Variants in TRAPPC3 observed in about 807,000 individuals in gnomAD.
TRAPPC3 encodes trafficking protein particle complex subunit 3.
A neutral mutation model predicts 18.2 loss-of-function variants in TRAPPC3; 5 were observed. The ratio of observed to expected loss-of-function variants is 0.28; its 90% CI spans 0.14 to 0.58. TRAPPC3 has a LOEUF of 0.58. Ranked by LOEUF, TRAPPC3 falls within the 20% of genes least tolerant of loss-of-function variation. The pLI is 0.91. For synonymous variants in TRAPPC3, 65 were observed against 84.2 expected, an observed-to-expected ratio of 0.77 and a Z score of 1.25; for missense variants, 176 against 225.9, an observed-to-expected ratio of 0.78 and a Z score of 1.41.
At chr1:36,147,900 A>T (rs1644224972) in intron 1 of TRAPPC3, among the ~76,000 whole-genome samples, 1 of 152,132 alleles carries the variant, frequency 6.6e-6, no homozygotes. Flanking sequence ...TTTGTTAAAG[A>T]TTTCAATATT....
chr1:36,155,585 G>C (rs737381), intron 1 of TRAPPC3: 114,814 of 152,706 alleles, frequency 0.75, 43,932 homozygotes, highest in East Asian at 0.91. Context: ...AGACACAAGC[G>C]CAGAATGCCG....
chr1:36,154,389 C>G (rs1644297793), upstream of TRAPPC3, among the ~76,000 whole-genome samples: 1 of 152,132 alleles, frequency 6.6e-6, no homozygotes, highest in African/African-American at 2.4e-5. Flanking sequence ...AATCTCAAGA[C>G]AAGGGGTGGG....
chr1:36,146,866 G>C (rs895970606), intron 1 of TRAPPC3, among the ~76,000 whole-genome samples: 4 of 152,204 alleles, frequency 2.6e-5, no homozygotes, highest in African/African-American at 7.2e-5. Flanking sequence ...CTAGCACAGA[G>C]CTCTGCATAT....
chr1:36,137,521 AC>A lies in TRAPPC3; in HGVS notation c.424-200del, dbSNP rs894415960. ...CTTAAGGAGAAACTTAGCAAAGAAT[AC>A]CCAAGAATGAGACTGTCACCAAATA... On this transcript the variant is annotated intron_variant, in intron 4 of 4. Transcript: ENST00000373166. The A allele has an allele frequency of 2.5e-5, 16 of 641,376 alleles. No homozygotes were observed. In the Admixed American group the frequency reaches 4.8e-4, roughly 19 times the overall value. The allele number at this position is 641,376 out of a possible 1,614,324, so 39.7% of individuals were successfully genotyped here.
At chr1:36,150,737 G>A (rs55714550), upstream of TRAPPC3, among the ~76,000 whole-genome samples, 171 of 152,308 alleles carry the variant, frequency 1.1e-3, no homozygotes, top group Non-Finnish European at 2.2e-3. Flanking sequence ...TCCATCCTGT[G>A]TAATGCCACA....
At position 36,138,281 on chromosome 1, in the gene TRAPPC3, T is replaced by G. The variant is rs1019801487; in HGVS notation, c.241-303A>C. ...CAACTCACTCACTGTGTGCTTGTAC[T>G]TCTCAGTGGAAGGGAGCACTAGTCT... On this transcript the variant is annotated intron_variant, in intron 3 of 4. Coordinates refer to ENST00000373166, the MANE Select transcript of TRAPPC3 (RefSeq NM_014408.5). 13 of 1,534,606 alleles carry G rather than the reference T, an allele frequency of 8.5e-6. 1 individual carries two copies. The Admixed American group carries it at 9.8e-5, about 12-fold the overall frequency.
intron 3 of TRAPPC3, among the ~76,000 whole-genome samples, chr1:36,139,100 T>A (rs1441379696): frequency 6.8e-6 from 1 of 147,392 alleles, no homozygotes; most frequent in Non-Finnish European, 1.5e-5. Context: ...AAATTTAAAG[T>A]AACTTATCTA....
intron 1 of TRAPPC3, among the ~76,000 whole-genome samples, chr1:36,143,385 G>A (rs2124156298): frequency 6.6e-6 from 1 of 152,332 alleles, no homozygotes; most frequent in African/African-American, 2.4e-5. Flanking sequence ...AGATCCTGAG[G>A]TACAAGTATG....
At chr1:36,149,507 C>T (rs1644251687), upstream of TRAPPC3, 6 of 1,273,376 alleles carry the variant, frequency 4.7e-6, no homozygotes, top group Admixed American at 2.1e-5. Context: ...GCCTGCGCGG[C>T]CTCCCGCGGG....
chr1:36,139,501 G>A (rs1557757600), intron 3 of TRAPPC3: 3 of 591,916 alleles, frequency 5.1e-6, no homozygotes, highest in Non-Finnish European at 8.6e-6. Context: ...CACCTTCACA[G>A]TGGAAAAGCT....
At chr1:36,137,695 G>T in intron 4 of TRAPPC3, 101 bp downstream of exon 4, 1 of 1,281,976 alleles carries the variant, frequency 7.8e-7, no homozygotes, top group Non-Finnish European at 1.1e-6. Flanking sequence ...AAAGCGCTGG[G>T]GTGAGCCAAA....
At chr1:36,143,858 T>C (rs1644152410) in intron 1 of TRAPPC3, among the ~76,000 whole-genome samples, 1 of 152,220 alleles carries the variant, frequency 6.6e-6, no homozygotes. Flanking sequence ...ATGGTGACAA[T>C]GTTACCTGCC....
upstream of TRAPPC3, chr1:36,149,543 G>T: frequency 1.2e-6 from 1 of 824,086 alleles, no homozygotes; most frequent in Non-Finnish European, 1.9e-6. Context: ...TGGTCCGGCC[G>T]ACGTGGGCAA....
At chr1:36,155,897 C>G (rs1037343677) in exon 1 of TRAPPC3, 5 of 152,520 alleles carry the variant, frequency 3.3e-5, no homozygotes, top group Admixed American at 6.5e-5. Context: ...TCCTCAGGCG[C>G]TGCGGCGCGT....
chr1:36,155,986 G>C (rs1477699274), exon 1 of TRAPPC3: 1 of 156,456 alleles, frequency 6.4e-6, no homozygotes, highest in Non-Finnish European at 1.4e-5. Context: ...CGTGGCCGTG[G>C]GAGAGGCGCC....
At chr1:36,148,925 G>C (rs529102112) in intron 1 of TRAPPC3, among the ~76,000 whole-genome samples, 1 of 152,114 alleles carries the variant, frequency 6.6e-6, no homozygotes, top group Non-Finnish European at 1.5e-5. Flanking sequence ...TAACTTCCCA[G>C]GTGTAAATAT....
intron 1 of TRAPPC3, among the ~76,000 whole-genome samples, chr1:36,147,624 T>C (rs1028023005): frequency 3.3e-5 from 5 of 152,058 alleles, no homozygotes; most frequent in African/African-American, 1.2e-4. Context: ...CCTGGGTATA[T>C]CATTTAAAAT....
chr1:36,138,058 G>T, intron 3 of TRAPPC3, 80 bp from the exon 4 acceptor site: 1 of 1,606,452 alleles, frequency 6.2e-7, no homozygotes, highest in East Asian at 2.2e-5. Context: ...ACTGGCAAAG[G>T]GGAATTAAGT....
intron 4 of TRAPPC3, 93 bp downstream of exon 4, chr1:36,137,703 A>G (rs760955460): frequency 2.5e-4 from 344 of 1,376,946 alleles, no homozygotes; most frequent in Non-Finnish European, 3.1e-4. Flanking sequence ...GGGGTGAGCC[A>G]AAGCCCTTTC....
Sources: allele counts gnomAD v4.1 joint callset (sites outside exome capture counted in the v4.1 genomes callset), GRCh38; gene constraint gnomAD v4.1.1; transcripts MANE v1.5; gene names NCBI Gene and HGNC (gene_info 2026-07-23, HGNC 2026-07-21).